Variants in STAG1 observed in about 807,000 individuals in gnomAD.
STAG1 encodes cohesin subunit SA-1.
STAG1 carries 26 observed loss-of-function variants against 170.9 expected under a neutral mutation model. The observed-to-expected ratio is 0.15, with a 90% confidence interval of 0.11 to 0.21. STAG1 has a LOEUF of 0.21. Ranked by LOEUF, STAG1 falls within the 10% of genes least tolerant of loss-of-function variation. STAG1 has a pLI of 1.00. For synonymous variants in STAG1, 514 were observed against 497.7 expected (o/e 1.03, Z -0.44); for missense variants, 964 against 1,509.5 (o/e 0.64, Z 5.99).
intron 15 of STAG1, among the ~76,000 whole-genome samples, chr3:136,436,981 G>C (rs2088480098): frequency 6.6e-6 from 1 of 152,174 alleles, no homozygotes; most frequent in Non-Finnish European, 1.5e-5. Context: ...TACAAAAAAA[G>C]CTTTTTGCTC....
At chr3:136,340,964 A>G (rs1339729560) in intron 31 of STAG1, among the ~76,000 whole-genome samples, 2 of 152,206 alleles carry the variant, frequency 1.3e-5, no homozygotes, top group African/African-American at 4.8e-5. Context: ...GCTGGAGTGC[A>G]GTGGCGTGAT....
intron 1 of STAG1, among the ~76,000 whole-genome samples, chr3:136,710,442 T>C (rs972825139): frequency 1.3e-5 from 2 of 152,172 alleles, no homozygotes; most frequent in African/African-American, 4.8e-5. Flanking sequence ...GTTCAAGTAT[T>C]CAGAAATAAG....
intron 1 of STAG1, among the ~76,000 whole-genome samples, chr3:136,742,656 A>T (rs1409626542): frequency 6.6e-6 from 1 of 151,730 alleles, no homozygotes; most frequent in Non-Finnish European, 1.5e-5. Flanking sequence ...TGGAGGTTTC[A>T]GTGAGCAGAG....
At chr3:136,620,008 G>A (rs1394953189) in intron 3 of STAG1, among the ~76,000 whole-genome samples, 1 of 152,026 alleles carries the variant, frequency 6.6e-6, no homozygotes, top group Non-Finnish European at 1.5e-5. Context: ...TGAGGATGCA[G>A]TAAGCCACAG....
chr3:136,432,174 A>T (rs145576590), intron 16 of STAG1, among the ~76,000 whole-genome samples: 58 of 152,184 alleles, frequency 3.8e-4, no homozygotes, highest in African/African-American at 1.4e-3. Flanking sequence ...TGTCTCTTTC[A>T]TCATCTTAAA....
At chr3:136,528,909 G>A (rs1935217229) in intron 6 of STAG1, among the ~76,000 whole-genome samples, 1 of 151,310 alleles carries the variant, frequency 6.6e-6, no homozygotes, top group Admixed American at 6.6e-5. Flanking sequence ...CAGTCTGTGT[G>A]ACAAAGCAAG....
chr3:136,368,787 AT>A (rs1317991707), intron 24 of STAG1, among the ~76,000 whole-genome samples: 1 of 152,154 alleles, frequency 6.6e-6, no homozygotes, highest in Admixed American at 6.6e-5. Context: ...AGACTTCACT[AT>A]GTACATTTTT....
Position 136,647,445 on chromosome 3 carries a change from T to C in STAG1, c.-83-16464A>G, listed in dbSNP as rs138088292. On this transcript the variant is annotated intron_variant, in intron 1 of 33. Transcript: ENST00000383202. ...TTAGCCGGGCCTGGTAGCGCTAGCC[T>C]GTAATCCCAGCTACTCGGGAGGCTG... Among the ~76,000 whole-genome samples, 185 of 152,188 alleles carry C rather than the reference T, an allele frequency of 1.2e-3. 1 individual carries two copies. The highest frequency in any genetic ancestry group is 4.1e-3 in the African/African-American group (170 of 41,524).
chr3:136,634,856 A>T (rs925283353), intron 1 of STAG1, among the ~76,000 whole-genome samples: 17 of 152,220 alleles, frequency 1.1e-4, no homozygotes. Flanking sequence ...GGGCAAAAGA[A>T]TACGGTAAAC....
intron 2 of STAG1, among the ~76,000 whole-genome samples, chr3:136,624,939 A>G (rs1042130311): frequency 3.9e-5 from 6 of 152,240 alleles, no homozygotes; most frequent in Admixed American, 6.5e-5. Flanking sequence ...ATGAATTTTG[A>G]GTATTTACTA....
chr3:136,388,418 G>T (rs1039440987), intron 22 of STAG1, among the ~76,000 whole-genome samples: 1 of 152,182 alleles, frequency 6.6e-6, no homozygotes, highest in African/African-American at 2.4e-5. Context: ...GCCCAGGCTG[G>T]AGTGCAGTGG....
At chr3:136,736,539 C>T (rs1479223469) in intron 1 of STAG1, 15 of 1,491,144 alleles carry the variant, frequency 1.0e-5, no homozygotes, top group Admixed American at 1.0e-4. Flanking sequence ...CAGGAAGGTC[C>T]GATTTATCTT....
At chr3:136,524,229 A>G (rs937739879) in intron 6 of STAG1, among the ~76,000 whole-genome samples, 4 of 152,188 alleles carry the variant, frequency 2.6e-5, no homozygotes, top group African/African-American at 9.7e-5. Context: ...ATCCATGAGC[A>G]TGGAATGTTC....
At chr3:136,386,716 T>C (rs1576415784) in intron 22 of STAG1, among the ~76,000 whole-genome samples, 1 of 152,158 alleles carries the variant, frequency 6.6e-6, no homozygotes, top group Non-Finnish European at 1.5e-5. Flanking sequence ...TGGTATTTTT[T>C]TGTAGAGACC....
In STAG1 at chr3:136,382,888, A is replaced by G. The variant is rs184594219; in HGVS notation, c.2278-5136T>C. ...TTATACATACTGACAGATTTGGGTA[A>G]ATAAGCACAGATATTGTATACTTAA... On this transcript the variant is annotated intron_variant, in intron 22 of 33. Coordinates refer to ENST00000383202, the MANE Select transcript of STAG1 (RefSeq NM_005862.3). 1.1e-4 allele frequency among the ~76,000 whole-genome samples: 17 copies of G among 152,308 alleles called. No homozygotes were observed. In the East Asian group the frequency reaches 2.9e-3, roughly 26 times the overall value.
intron 16 of STAG1, among the ~76,000 whole-genome samples, chr3:136,424,328 CTTTTTTTTTT>C (rs60213699): frequency 1.7e-5 from 2 of 117,192 alleles, no homozygotes; most frequent in Non-Finnish European, 3.6e-5. Flanking sequence ...ATGGAACGAT[CTTTTTTTTTT>C]TTTTTTTTTG....
chr3:136,742,787 A>T (rs1934739407), intron 1 of STAG1, among the ~76,000 whole-genome samples: 1 of 152,148 alleles, frequency 6.6e-6, no homozygotes, highest in Non-Finnish European at 1.5e-5. Flanking sequence ...AGATATCACA[A>T]ATTAAAAAGA....
chr3:136,677,296 G>A, intron 1 of STAG1, among the ~76,000 whole-genome samples: 1 of 152,038 alleles, frequency 6.6e-6, no homozygotes, highest in South Asian at 2.1e-4. Context: ...GTAGTTCTAT[G>A]ACATTAGGAA....
At chr3:136,704,925 C>T (rs1224083711) in intron 1 of STAG1, among the ~76,000 whole-genome samples, 3 of 151,608 alleles carry the variant, frequency 2.0e-5, no homozygotes, top group East Asian at 1.9e-4. Context: ...AATGGAGCCC[C>T]GAAATTGTGT....
Sources: gnomAD v4.1 joint callset for allele counts (sites outside exome capture counted in the v4.1 genomes callset) on GRCh38, gnomAD v4.1.1 for gene constraint, MANE v1.5 for transcripts, NCBI Gene and HGNC (gene_info 2026-07-23, HGNC 2026-07-21) for gene names.